ALK: variants seen among roughly 807,000 people sequenced by gnomAD.
ALK encodes ALK receptor tyrosine kinase.
Under a neutral mutation model 163.1 loss-of-function variants are expected in ALK, and 74 were observed. The observed-to-expected ratio is 0.45, with a 90% confidence interval of 0.38 to 0.55. The LOEUF (loss-of-function observed/expected upper bound fraction) is 0.55. Ranked by LOEUF, ALK falls within the 20% of genes least tolerant of loss-of-function variation. The probability of loss-of-function intolerance (pLI) is 0.00; values close to 1 mark genes in which losing one functional copy is unlikely to be tolerated. For missense variants in ALK, 2,063 were observed against 2,105.3 expected (o/e 0.98, Z 0.39); for synonymous variants, 960 against 843.2 (o/e 1.14, Z -2.40).
intron 3 of ALK, 84 bp downstream of exon 3, chr2:29,694,766 T>C (rs1238156933): frequency 3.3e-6 from 5 of 1,537,754 alleles, no homozygotes; most frequent in Non-Finnish European, 2.7e-6. Context: ...AGAACAGGAG[T>C]GAAGTCTCAT....
At chr2:29,829,556 C>T (rs1484149804) in intron 1 of ALK, among the ~76,000 whole-genome samples, 2 of 152,164 alleles carry the variant, frequency 1.3e-5, no homozygotes, top group Admixed American at 6.5e-5. Context: ...AGGCTTATCA[C>T]AGGATATGTT....
At chr2:29,573,975 T>A (rs1674451472) in intron 3 of ALK, among the ~76,000 whole-genome samples, 1 of 151,862 alleles carries the variant, frequency 6.6e-6, no homozygotes, top group African/African-American at 2.4e-5. Context: ...GATGGATATA[T>A]AGTGGGTAGA....
Position 29,672,414 on chromosome 2 carries a change from A to G in ALK, c.952+22436T>C, listed in dbSNP as rs552812378. Among the ~76,000 whole-genome samples, 117 of 147,682 alleles carry G rather than the reference A, an allele frequency of 7.9e-4. 1 individual carries two copies. Among genetic ancestry groups the G allele is most frequent in the African/African-American group, 2.9e-3 (114 of 39,874 alleles). On this transcript the variant is annotated intron_variant, in intron 3 of 28. Transcript: ENST00000389048. ...ATTGTTCAATTCCCACCTATGAGTG[A>G]GAATATGCGGTGTTTGGTTTTTTGT...
chr2:29,599,327 T>C (rs1675311376), intron 3 of ALK, among the ~76,000 whole-genome samples: 1 of 152,232 alleles, frequency 6.6e-6, no homozygotes, highest in African/African-American at 2.4e-5. Context: ...AAGTACTTTT[T>C]AATGTTTCAA....
intron 3 of ALK, among the ~76,000 whole-genome samples, chr2:29,561,520 T>C (rs1177546443): frequency 6.6e-6 from 1 of 152,170 alleles, no homozygotes; most frequent in Admixed American, 6.5e-5. Context: ...CAATGGCACA[T>C]CCATCGCGTC....
chr2:29,301,936 CACTCGCAGATAGTT>C (rs1666384275), intron 8 of ALK, among the ~76,000 whole-genome samples: 1 of 152,216 alleles, frequency 6.6e-6, no homozygotes, highest in African/African-American at 2.4e-5. Flanking sequence ...ATCATCTACT[CACTCGCAGATAGTT>C]ACTGCACTCC....
intron 4 of ALK, among the ~76,000 whole-genome samples, chr2:29,510,844 A>T (rs564418617): frequency 6.6e-6 from 1 of 152,188 alleles, no homozygotes; most frequent in Non-Finnish European, 1.5e-5. Flanking sequence ...AGAAGTCTTC[A>T]TGAGGAAGGT....
At chr2:29,296,756 C>CACGT in intron 9 of ALK, 132 bp downstream of exon 9, 7 of 1,014,040 alleles carry the variant, frequency 6.9e-6, no homozygotes, top group Non-Finnish European at 1.1e-5. Flanking sequence ...TGCGTGCACG[C>CACGT]GCACATATCG....
intron 12 of ALK, among the ~76,000 whole-genome samples, chr2:29,248,921 C>T (rs1447186771): frequency 2.0e-5 from 3 of 152,244 alleles, no homozygotes; most frequent in Non-Finnish European, 4.4e-5. Flanking sequence ...CGTATGGGGT[C>T]GGCGTGTTCT....
At chr2:29,796,285 A>C (rs1367611518) in intron 1 of ALK, among the ~76,000 whole-genome samples, 1 of 152,208 alleles carries the variant, frequency 6.6e-6, no homozygotes, top group Non-Finnish European at 1.5e-5. Flanking sequence ...AGTGACGATC[A>C]GCAAAACTTA....
chr2:29,589,086 ATC>A lies in ALK; in HGVS notation c.953-56972_953-56971del, dbSNP rs1383683992. Among the ~76,000 whole-genome samples, 3 of 152,286 alleles carry A rather than the reference ATC, an allele frequency of 2.0e-5. No homozygotes were observed. In the East Asian group the frequency reaches 5.8e-4, roughly 29 times the overall value. On this transcript the variant is annotated intron_variant, in intron 3 of 28. Coordinates refer to ENST00000389048, the MANE Select transcript of ALK (RefSeq NM_004304.5). ...CTTTAGAGGTGGGAGAAACCTTATC[ATC>A]TCTGCAGCGTTCAACCACCGAGCAA...
intron 3 of ALK, among the ~76,000 whole-genome samples, chr2:29,651,938 C>G (rs1677049041): frequency 6.6e-6 from 1 of 152,104 alleles, no homozygotes; most frequent in South Asian, 2.1e-4. Context: ...AGGGAACAGC[C>G]TATAGGCCTC....
chr2:29,249,969 C>T (rs1253463526), intron 12 of ALK, among the ~76,000 whole-genome samples: 1 of 152,220 alleles, frequency 6.6e-6, no homozygotes, highest in Non-Finnish European at 1.5e-5. Context: ...CACATTTACC[C>T]TGAGGCCCCA....
At chr2:29,306,650 G>A (rs1192754117) in intron 8 of ALK, among the ~76,000 whole-genome samples, 1 of 136,934 alleles carries the variant, frequency 7.3e-6, no homozygotes, top group South Asian at 2.5e-4. Context: ...ACAATTAACA[G>A]TCGTGTGTGT....
intron 5 of ALK, among the ~76,000 whole-genome samples, chr2:29,381,823 A>G (rs12714279): frequency 0.75 from 114,758 of 152,100 alleles, 43,489 homozygotes; most frequent in Middle Eastern, 0.8. Context: ...TTTAAATATG[A>G]GTGTAATTTT....
Position 29,523,863 on chromosome 2 carries a change from T to C in ALK, c.1154+8052A>G, listed in dbSNP as rs78705439. Among the ~76,000 whole-genome samples, 56 of 7,684 alleles carry C rather than the reference T, an allele frequency of 7.3e-3. 1 individual carries two copies. The highest frequency in any genetic ancestry group is 0.016 in the African/African-American group (53 of 3,396). The allele number at this position is 7,684 out of a possible 152,430, so 5.0% of individuals were successfully genotyped here. ...AGAACTGGCAGAAGCTGAAGGTTTT[T>C]TTTTTTTTTTTTTTTTTTTTTTTTT... On this transcript the variant is annotated intron_variant, in intron 4 of 28. Transcript: ENST00000389048.
chr2:29,709,239 A>C (rs1306302488), intron 2 of ALK, among the ~76,000 whole-genome samples: 1 of 152,202 alleles, frequency 6.6e-6, no homozygotes, highest in African/African-American at 2.4e-5. Context: ...CCTCAACCAA[A>C]TTAAGTCCAG....
chr2:29,332,110 C>T (rs1022648844), intron 5 of ALK, among the ~76,000 whole-genome samples: 2 of 151,358 alleles, frequency 1.3e-5, no homozygotes, highest in East Asian at 1.9e-4. Flanking sequence ...CATGGTGAAA[C>T]CCCGTCTCTA....
intron 3 of ALK, among the ~76,000 whole-genome samples, chr2:29,535,338 G>A (rs891718250): frequency 5.3e-5 from 8 of 152,172 alleles, no homozygotes; most frequent in Non-Finnish European, 1.0e-4. Flanking sequence ...TTTTACCTCT[G>A]GTCACCAGTG....
Sources: allele counts gnomAD v4.1 joint callset (sites outside exome capture counted in the v4.1 genomes callset), GRCh38; gene constraint gnomAD v4.1.1; transcripts MANE v1.5; gene names NCBI Gene and HGNC (gene_info 2026-07-23, HGNC 2026-07-21).